The following ABHD17B variants were observed in gnomAD, a reference collection of about 807,000 sequenced individuals.
The protein encoded by ABHD17B is alpha/beta hydrolase domain-containing protein 17B.
A neutral mutation model predicts 26.2 loss-of-function variants in ABHD17B; 9 were observed. The ratio of observed to expected loss-of-function variants is 0.34; its 90% CI spans 0.21 to 0.60. The LOEUF is 0.60. Among genes scored for constraint, ABHD17B ranks in the 20% least tolerant of loss-of-function variants. The pLI is 0.80. For missense variants in ABHD17B, 224 were observed against 352.1 expected (o/e 0.64, Z 2.91); for synonymous variants, 127 against 122.3 (o/e 1.04, Z -0.25).
At chr9:71,906,576 G>C (rs1827291912) in intron 1 of ABHD17B, among the ~76,000 whole-genome samples, 1 of 152,130 alleles carries the variant, frequency 6.6e-6, no homozygotes, top group Admixed American at 6.5e-5. Flanking sequence ...CCAGTGCTTT[G>C]GGATACTGAG....
At chr9:71,884,544 A>C (rs966835310) in intron 1 of ABHD17B, among the ~76,000 whole-genome samples, 1 of 152,150 alleles carries the variant, frequency 6.6e-6, no homozygotes, top group Non-Finnish European at 1.5e-5. Flanking sequence ...AACAGACATA[A>C]ACATTATCTT....
At chr9:71,890,500 T>G (rs991656154) in intron 1 of ABHD17B, among the ~76,000 whole-genome samples, 1 of 152,342 alleles carries the variant, frequency 6.6e-6, no homozygotes, top group Admixed American at 6.5e-5. Flanking sequence ...AGTTTCACAT[T>G]AAGTTTTATA....
chr9:71,885,163 G>T (rs187885268), intron 1 of ABHD17B, among the ~76,000 whole-genome samples: 1 of 152,162 alleles, frequency 6.6e-6, no homozygotes, highest in East Asian at 1.9e-4. Flanking sequence ...TGAAAGGTCA[G>T]GCCGGGAACG....
chr9:71,893,295 C>A (rs987817068), intron 1 of ABHD17B, among the ~76,000 whole-genome samples: 1 of 152,186 alleles, frequency 6.6e-6, no homozygotes, highest in Admixed American at 6.5e-5. Context: ...AGTGTCACAT[C>A]CCACAGGTTG....
At chr9:71,875,185 T>C in intron 1 of ABHD17B, 102 bp from the exon 2 acceptor site, 8 of 877,778 alleles carry the variant, frequency 9.1e-6, no homozygotes, top group Non-Finnish European at 1.4e-5. Flanking sequence ...TGGTGGTTAA[T>C]GACTATTACT....
rs1179511504 is a variant in ABHD17B, at chr9:71,866,703, A to T, written c.*84T>A. The T allele has an allele frequency of 6.5e-7, 1 of 1,541,550 alleles. No individual in the cohort carries two copies. The highest frequency in any genetic ancestry group is 8.7e-7 in the Non-Finnish European group (1 of 1,144,812). ...TGAAGGCAACTGACATGATTTGCAA[A>T]CAAAACCTTCAGGTTTTATGTTATT... On this transcript the variant is annotated 3_prime_UTR_variant, in exon 4 of 4. Transcript: ENST00000333421.
intron 1 of ABHD17B, among the ~76,000 whole-genome samples, chr9:71,876,304 C>T (rs926509348): frequency 2.1e-4 from 32 of 152,260 alleles, no homozygotes; most frequent in African/African-American, 7.7e-4. Flanking sequence ...CTTTGACTCT[C>T]ATTTTCTTCA....
chr9:71,910,339 G>C (rs920063033), intron 1 of ABHD17B, among the ~76,000 whole-genome samples: 25 of 152,192 alleles, frequency 1.6e-4, no homozygotes, highest in African/African-American at 6.0e-4. Context: ...AGTGTCGGTC[G>C]GTCCTCCCTC....
chr9:71,869,415 T>G (rs1184761644), intron 3 of ABHD17B, among the ~76,000 whole-genome samples: 3 of 152,174 alleles, frequency 2.0e-5, no homozygotes, highest in Non-Finnish European at 2.9e-5. Context: ...GCCAACTTAT[T>G]TCTTGTCTTC....
At chr9:71,885,460 C>CAAA (rs35660801) in intron 1 of ABHD17B, among the ~76,000 whole-genome samples, 15 of 123,958 alleles carry the variant, frequency 1.2e-4, no homozygotes, top group African/African-American at 4.1e-4. Context: ...ACTCTGTCTC[C>CAAA]AAAAAAAAAA....
chr9:71,867,108 T>C, intron 3 of ABHD17B, 102 bp from the exon 4 acceptor site: 3 of 1,394,844 alleles, frequency 2.2e-6, no homozygotes, highest in South Asian at 2.6e-5. Flanking sequence ...GAGAATTGTA[T>C]GAATCAGTTC....
At chr9:71,894,498 C>G (rs753431227) in intron 1 of ABHD17B, among the ~76,000 whole-genome samples, 1 of 152,160 alleles carries the variant, frequency 6.6e-6, no homozygotes, top group African/African-American at 2.4e-5. Flanking sequence ...TGCCCCGCCA[C>G]GACACCCAGC....
At chr9:71,892,518 G>A (rs1317833935) in intron 1 of ABHD17B, among the ~76,000 whole-genome samples, 3 of 151,716 alleles carry the variant, frequency 2.0e-5, no homozygotes, top group African/African-American at 4.8e-5. Context: ...GGGTGACAGA[G>A]TGAGACTCCC....
intron 3 of ABHD17B, among the ~76,000 whole-genome samples, chr9:71,869,851 G>A (rs1019881530): frequency 6.6e-6 from 1 of 152,094 alleles, no homozygotes; most frequent in African/African-American, 2.4e-5. Flanking sequence ...GCCACCACCT[G>A]AGGTGTAAGG....
intron 1 of ABHD17B, among the ~76,000 whole-genome samples, chr9:71,883,892 G>C (rs914964679): frequency 2.0e-5 from 3 of 151,894 alleles, no homozygotes; most frequent in African/African-American, 7.3e-5. Flanking sequence ...AGCCGAGATT[G>C]CATCATTGCA....
chr9:71,879,141 G>A (rs1826366093), intron 1 of ABHD17B, among the ~76,000 whole-genome samples: 1 of 152,184 alleles, frequency 6.6e-6, no homozygotes, highest in Non-Finnish European at 1.5e-5. Context: ...GGGCTACAGA[G>A]TGAGAGCCTG....
chr9:71,884,110 T>C (rs147996086), intron 1 of ABHD17B, among the ~76,000 whole-genome samples: 1,537 of 151,860 alleles, frequency 0.01, 11 homozygotes, highest in Middle Eastern at 0.017. Flanking sequence ...AACAAGTATA[T>C]GAAAAAAGGC....
At chr9:71,875,226 G>T in intron 1 of ABHD17B, 143 bp from the exon 2 acceptor site, 2 of 612,756 alleles carry the variant, frequency 3.3e-6, no homozygotes, top group Non-Finnish European at 5.0e-6. Flanking sequence ...CAGATTTTTG[G>T]CTTCTTTTTT....
intron 1 of ABHD17B, among the ~76,000 whole-genome samples, chr9:71,900,591 G>A (rs1827102780): frequency 6.8e-6 from 1 of 146,128 alleles, no homozygotes; most frequent in Non-Finnish European, 1.5e-5. Flanking sequence ...GGCTGAGGTT[G>A]CAGTGAGCCA....
Sources: gnomAD v4.1 joint callset for allele counts (sites outside exome capture counted in the v4.1 genomes callset) on GRCh38, gnomAD v4.1.1 for gene constraint, MANE v1.5 for transcripts, NCBI Gene and HGNC (gene_info 2026-07-23, HGNC 2026-07-21) for gene names.